The following CDKN2B-AS1 variants were observed in gnomAD, a reference collection of about 807,000 sequenced individuals.
CDKN2B-AS1 encodes the protein CDKN2B and CDKN2A antisense cis and trans regulatory RNA 1.
chr9:22,040,766 C>T (rs1333037), intron 1 of CDKN2B-AS1, among the ~76,000 whole-genome samples: 108,682 of 151,902 alleles, frequency 0.72, 40,750 homozygotes, highest in African/African-American at 0.93. Context: ...TACAGAGATA[C>T]ACAATTTACA....
At chr9:22,062,589 C>G (rs1374669489) in intron 4 of CDKN2B-AS1, among the ~76,000 whole-genome samples, 1 of 152,050 alleles carries the variant, frequency 6.6e-6, no homozygotes, top group African/African-American at 2.4e-5. Context: ...TTCCAAGAGT[C>G]TTTCTCTGGG....
At chr9:22,011,309 C>G (rs748219830) in intron 1 of CDKN2B-AS1, among the ~76,000 whole-genome samples, 31 of 152,164 alleles carry the variant, frequency 2.0e-4, no homozygotes, top group Non-Finnish European at 4.1e-4. Context: ...CTAATATTCT[C>G]TGTATAAAGA....
chr9:22,043,902 C>A (rs1178849226), intron 1 of CDKN2B-AS1, among the ~76,000 whole-genome samples: 2 of 151,870 alleles, frequency 1.3e-5, no homozygotes, highest in African/African-American at 4.8e-5. Flanking sequence ...TTGGGAAACT[C>A]TACCCATGAG....
At chr9:22,062,077 C>T (rs976959110) in intron 4 of CDKN2B-AS1, 2 of 152,078 alleles carry the variant, frequency 1.3e-5, no homozygotes, top group African/African-American at 4.8e-5. Context: ...CTGTTACTGA[C>T]GTTGTGAGTG....
Position 22,092,103 on chromosome 9 carries a change from T to C in CDKN2B-AS1, n.439-35000T>C, listed in dbSNP as rs559130249. ...ATCATATGGTTTTTGTCGTTGGTTC[T>C]GTTTATATGCTGGATTATGTTTATT... On this transcript the variant is annotated intron_variant and non_coding_transcript_variant, in intron 4 of 4. Transcript: ENST00000650946. Among the ~76,000 whole-genome samples, 5 of 152,336 alleles carry C rather than the reference T, an allele frequency of 3.3e-5. 1 individual carries two copies. In the South Asian group the frequency reaches 1.0e-3, roughly 32 times the overall value.
intron 4 of CDKN2B-AS1, chr9:22,077,758 A>G (rs1824552431): frequency 6.6e-6 from 1 of 152,246 alleles, no homozygotes; most frequent in African/African-American, 2.4e-5. Flanking sequence ...GCTTCATTCT[A>G]TACCAGGATC....
chr9:22,015,998 C>T (rs1101329), intron 1 of CDKN2B-AS1, among the ~76,000 whole-genome samples: 41,490 of 152,026 alleles, frequency 0.27, 7,394 homozygotes, highest in Non-Finnish European at 0.4. Flanking sequence ...GATATTAGCC[C>T]TTTGTCAGAT....
chr9:22,082,720 T>C (rs1182441207), intron 4 of CDKN2B-AS1, among the ~76,000 whole-genome samples: 1 of 152,124 alleles, frequency 6.6e-6, no homozygotes, highest in Non-Finnish European at 1.5e-5. Flanking sequence ...ATAGAAAACA[T>C]GTAGAGGATT....
At chr9:22,010,079 A>G (rs189610384) in intron 1 of CDKN2B-AS1, among the ~76,000 whole-genome samples, 10 of 152,226 alleles carry the variant, frequency 6.6e-5, no homozygotes, top group Middle Eastern at 3.4e-3. Context: ...ATTTAAACCC[A>G]CTTTGTCAGG....
intron 4 of CDKN2B-AS1, chr9:22,118,568 T>A (rs1382540302): frequency 6.6e-6 from 1 of 152,208 alleles, no homozygotes; most frequent in East Asian, 1.9e-4. Flanking sequence ...GTTTATGAAC[T>A]TTTTTCCCTG....
chr9:22,044,955 T>C (rs886068332), intron 1 of CDKN2B-AS1, among the ~76,000 whole-genome samples: 5 of 152,068 alleles, frequency 3.3e-5, no homozygotes, highest in African/African-American at 1.2e-4. Flanking sequence ...TTCCACCATG[T>C]ATACATTTCA....
chr9:22,055,069 T>C (rs1304408419), intron 3 of CDKN2B-AS1, among the ~76,000 whole-genome samples: 3 of 152,224 alleles, frequency 2.0e-5, no homozygotes, highest in Non-Finnish European at 4.4e-5. Flanking sequence ...ATTTTTAAAA[T>C]TATTAAATTC....
rs1412352101 is a variant in CDKN2B-AS1, at chr9:22,074,259, C to T, written n.438+17872C>T. On this transcript the variant is annotated intron_variant and non_coding_transcript_variant, in intron 4 of 4. Coordinates refer to ENST00000650946, the Ensembl canonical transcript of CDKN2B-AS1. ...TCTTTTCAAATGCATGGACAATGAGCAACTATATTGTTTTGGTAAAACTAG... is the reference window on the plus strand; with the variant it reads ...TCTTTTCAAATGCATGGACAATGAGTAACTATATTGTTTTGGTAAAACTAG... Among the ~76,000 whole-genome samples the T allele has an allele frequency of 2.0e-5, 3 of 152,072 alleles. No individual in the cohort carries two copies. In the East Asian group the frequency reaches 5.8e-4, roughly 29 times the overall value.
chr9:21,999,191 T>C lies in CDKN2B-AS1; in HGVS notation n.29+4030T>C, dbSNP rs1685935265. 6.6e-6 allele frequency among the ~76,000 whole-genome samples: 1 copy of C among 152,038 alleles called. No individual in the cohort carries two copies. The highest frequency in any genetic ancestry group is 2.1e-4 in the South Asian group (1 of 4,834). On this transcript the variant is annotated intron_variant and non_coding_transcript_variant, in intron 1 of 4. Coordinates refer to ENST00000650946, the Ensembl canonical transcript of CDKN2B-AS1. This position sits in a 1 kb window ranked among gnomAD's most constrained non-coding sequence, Gnocchi z 4.7. ...ATTGTTTTGAAAGGCAGCATTACAA[T>C]ATCTAGTCAAAACTGTATGAGAATA... is the stretch of plus-strand genomic sequence containing the variant.
At chr9:22,080,384 G>A (rs952299797) in intron 4 of CDKN2B-AS1, among the ~76,000 whole-genome samples, 2 of 152,210 alleles carry the variant, frequency 1.3e-5, no homozygotes, top group South Asian at 2.1e-4. Flanking sequence ...AGCTGGCATC[G>A]TTTCCTTCTG....
At chr9:22,010,290 T>A (rs528062587) in intron 1 of CDKN2B-AS1, among the ~76,000 whole-genome samples, 1 of 152,324 alleles carries the variant, frequency 6.6e-6, no homozygotes, top group Admixed American at 6.5e-5. Flanking sequence ...ATTTATTACT[T>A]AAAATATTTA....
chr9:22,011,977 G>A (rs1291261149), intron 1 of CDKN2B-AS1, among the ~76,000 whole-genome samples: 3 of 152,178 alleles, frequency 2.0e-5, no homozygotes, highest in African/African-American at 7.2e-5. Flanking sequence ...AATTTTGGAG[G>A]TCAGTAGAAG....
chr9:22,022,579 A>ATGGGT (rs1483475070), intron 1 of CDKN2B-AS1, among the ~76,000 whole-genome samples: 5 of 152,006 alleles, frequency 3.3e-5, no homozygotes, highest in South Asian at 4.1e-4. Context: ...CAGCATACCG[A>ATGGGT]TGGGTCTTGG....
chr9:22,043,189 T>A (rs1423515800), intron 1 of CDKN2B-AS1, among the ~76,000 whole-genome samples: 1 of 152,060 alleles, frequency 6.6e-6, no homozygotes, highest in East Asian at 1.9e-4. Flanking sequence ...CTTAGATTTT[T>A]CCAATGTTGT....
Sources: allele counts gnomAD v4.1 joint callset (sites outside exome capture counted in the v4.1 genomes callset), GRCh38; gene constraint gnomAD v4.1.1; non-coding constraint Gnocchi (gnomAD v3.1); transcripts MANE v1.5; gene names NCBI Gene and HGNC (gene_info 2026-07-23, HGNC 2026-07-21).